Variants in PHAF1 observed in about 807,000 individuals in gnomAD.
PHAF1 encodes phagosome assembly factor 1.
A neutral mutation model predicts 63.1 loss-of-function variants in PHAF1; 23 were observed. The observed-to-expected ratio is 0.36, with a 90% CI of 0.26 to 0.52. PHAF1 has a LOEUF of 0.52. PHAF1 is among the 20% of genes least tolerant of loss of function. The pLI, the probability that PHAF1 is intolerant of heterozygous loss-of-function variation, is 0.93. For missense variants in PHAF1, 427 were observed against 517.2 expected, an observed-to-expected ratio of 0.83 and a Z score of 1.69; for synonymous variants, 167 against 185.0, an observed-to-expected ratio of 0.90 and a Z score of 0.79.
intron 3 of PHAF1, among the ~76,000 whole-genome samples, chr16:67,127,988 C>T (rs1249984083): frequency 6.6e-6 from 1 of 152,046 alleles, no homozygotes; most frequent in Non-Finnish European, 1.5e-5. Context: ...GTCCAGCAGC[C>T]CATAAAATCA....
chr16:67,118,331 C>CTTTTTTTT (rs1054550338), intron 1 of PHAF1, among the ~76,000 whole-genome samples: 14 of 76,578 alleles, frequency 1.8e-4, no homozygotes, highest in Non-Finnish European at 2.5e-4. Flanking sequence ...GCCCCTGTTG[C>CTTTTTTTT]TTTTTTTTTT....
At chr16:67,127,809 TG>T (rs1017674266) in intron 3 of PHAF1, among the ~76,000 whole-genome samples, 3 of 151,316 alleles carry the variant, frequency 2.0e-5, no homozygotes, top group African/African-American at 7.3e-5. Flanking sequence ...AAAAAAAAAT[TG>T]GGGGGAAATT....
At chr16:67,142,029 G>A (rs1963831197) in intron 10 of PHAF1, among the ~76,000 whole-genome samples, 1 of 152,230 alleles carries the variant, frequency 6.6e-6, no homozygotes, top group African/African-American at 2.4e-5. Context: ...GCTGGAGGGT[G>A]AGCAAAAAGG....
intron 9 of PHAF1, 44 bp from the exon 10 acceptor site, chr16:67,140,467 A>G (rs772876962): frequency 7.1e-7 from 1 of 1,416,076 alleles, no homozygotes; most frequent in South Asian, 1.1e-5. Context: ...CCAGAACTAT[A>G]TTAGAGGGAT....
At chr16:67,132,264 C>T (rs1246349494) in intron 4 of PHAF1, 182 bp from the exon 5 acceptor site, 1 of 584,748 alleles carries the variant, frequency 1.7e-6, no homozygotes, top group Non-Finnish European at 3.0e-6. Flanking sequence ...CTCATGAGAA[C>T]TGACCTTCTC....
chr16:67,141,362 C>G (rs1209160721), intron 10 of PHAF1, among the ~76,000 whole-genome samples: 4 of 152,192 alleles, frequency 2.6e-5, no homozygotes, highest in Non-Finnish European at 4.4e-5. Context: ...AGTGCTGTTG[C>G]AGCTGGACCT....
chr16:67,143,078 A>G (rs922148534), intron 10 of PHAF1, among the ~76,000 whole-genome samples: 1 of 152,124 alleles, frequency 6.6e-6, no homozygotes, highest in Non-Finnish European at 1.5e-5. Flanking sequence ...ATAGGAGGGA[A>G]GTGTTCACTG....
chr16:67,140,254 TA>T (rs1439708267), intron 9 of PHAF1, 137 bp downstream of exon 9: 3 of 1,187,988 alleles, frequency 2.5e-6, no homozygotes, highest in Non-Finnish European at 3.5e-6. Flanking sequence ...AACTGTTTTC[TA>T]ACCCCTGTAG....
At chr16:67,118,840 T>C (rs912333802) in intron 1 of PHAF1, among the ~76,000 whole-genome samples, 4 of 145,766 alleles carry the variant, frequency 2.7e-5, no homozygotes, top group South Asian at 2.3e-4. Flanking sequence ...GTAGCACTTA[T>C]CATGGCTCAC....
chr16:67,132,392 A>T, intron 4 of PHAF1, 54 bp from the exon 5 acceptor site: 3 of 1,429,714 alleles, frequency 2.1e-6, no homozygotes, highest in Non-Finnish European at 2.9e-6. Context: ...ATCTCACATG[A>T]TCTGTGGGCC....
At chr16:67,134,309 C>G in intron 7 of PHAF1, 44 bp downstream of exon 7, 1 of 1,608,056 alleles carries the variant, frequency 6.2e-7, no homozygotes, top group Non-Finnish European at 8.5e-7. Flanking sequence ...CCTGGGCTGC[C>G]TGGGAGAAAG....
In PHAF1 at chr16:67,140,036, A is replaced by G. The variant is rs1963749070; in HGVS notation, c.714A>G (p.Ser238=). 1 of 1,614,090 alleles carries G rather than the reference A, an allele frequency of 6.2e-7. No homozygotes were observed. The highest frequency in any genetic ancestry group is 8.5e-7 in the Non-Finnish European group (1 of 1,180,008). Residue 238 remains serine (S), a synonymous_variant, in exon 9 of 16, where the codon TCA becomes TCG. Transcript: ENST00000219139. ...ADAKMRVFER[S]VYFGDSCQDV... Reference sequence around the variant, plus strand: ...CCAAGATGCGGGTATTTGAACGTTCAGTGTATTTTGGTGATTCCTGCCAAG... The same window carrying G: ...CCAAGATGCGGGTATTTGAACGTTCGGTGTATTTTGGTGATTCCTGCCAAG...
At chr16:67,115,253 C>A (rs185420227) in intron 1 of PHAF1, among the ~76,000 whole-genome samples, 1 of 152,270 alleles carries the variant, frequency 6.6e-6, no homozygotes, top group East Asian at 1.9e-4. Context: ...CAGACAAGGT[C>A]CTACCTCTGT....
chr16:67,147,308 ATTC>A lies in PHAF1; in HGVS notation c.*182_*184del. 1.7e-6 allele frequency: 1 copy of A among 589,264 alleles called. No homozygotes were observed. The allele number at this position is 589,264 out of a possible 1,614,324, so 36.5% of individuals were successfully genotyped here. A position where few individuals can be genotyped will look rare whatever the true frequency, so the allele number is the denominator to read the frequency against. On this transcript the variant is annotated 3_prime_UTR_variant, in exon 16 of 16. Transcript: ENST00000219139. ...CTGCCATGGGCTGAGTGGCCCAGAT[ATTC>A]TTCTGTCCATCTTTGGCCTGCTGGT...
intron 1 of PHAF1, 133 bp downstream of exon 1, chr16:67,110,372 G>A (rs1416210292): frequency 9.9e-7 from 1 of 1,005,916 alleles, no homozygotes; most frequent in Non-Finnish European, 1.5e-6. Context: ...CGGCTCGCTG[G>A]GCTCCAGGCA....
chr16:67,140,120 A>G lies in PHAF1; in HGVS notation c.795+3A>G, dbSNP rs1963752705. 6.2e-7 allele frequency: 1 copy of G among 1,613,682 alleles called. No homozygotes were observed. The highest frequency in any genetic ancestry group is 8.5e-7 in the Non-Finnish European group (1 of 1,179,884). On this transcript the variant is annotated splice_donor_region_variant and intron_variant, in intron 9 of 15. Transcript: ENST00000219139. ...TCTTCTATAAATCAGAAGACAAGGT[A>G]GGGGAATTATGTTGCAGTCTCCTCC... is the stretch of plus-strand genomic sequence containing the variant.
intron 2 of PHAF1, among the ~76,000 whole-genome samples, chr16:67,123,689 G>A (rs527908519): frequency 1.5e-4 from 23 of 152,152 alleles, no homozygotes; most frequent in African/African-American, 4.1e-4. Flanking sequence ...ATGAACCACC[G>A]CACCCAGCCA....
chr16:67,121,214 G>T (rs1449164374), intron 2 of PHAF1, among the ~76,000 whole-genome samples: 1 of 144,310 alleles, frequency 6.9e-6, no homozygotes. Context: ...TTTTGAGATG[G>T]AGTCTCGCTC....
At chr16:67,144,478 C>T (rs887685853) in intron 11 of PHAF1, 102 bp downstream of exon 11, 8 of 827,094 alleles carry the variant, frequency 9.7e-6, no homozygotes, top group Non-Finnish European at 8.1e-6. Flanking sequence ...TTATCTACAC[C>T]TGAATTCTTG....
Sources: gnomAD v4.1 joint callset for allele counts (sites outside exome capture counted in the v4.1 genomes callset) on GRCh38, gnomAD v4.1.1 for gene constraint, MANE v1.5 for transcripts, NCBI Gene and HGNC (gene_info 2026-07-23, HGNC 2026-07-21) for gene names.